Variants in UBE2E2 observed in about 807,000 individuals in gnomAD.
UBE2E2 encodes the protein ubiquitin conjugating enzyme E2 E2.
In UBE2E2, 6 loss-of-function variants were observed where a neutral mutation model predicts 24.7. The observed-to-expected ratio is 0.24, with a 90% CI of 0.13 to 0.48. The LOEUF is 0.48. UBE2E2 is among the 20% of genes least tolerant of loss of function. UBE2E2 has a pLI of 0.99. For missense variants in UBE2E2, 169 were observed against 245.0 expected (o/e 0.69, Z 2.07); for synonymous variants, 104 against 83.6 (o/e 1.24, Z -1.33).
intron 2 of UBE2E2, 123 bp from the exon 3 acceptor site, chr3:23,217,139 C>A: frequency 1.1e-6 from 1 of 879,776 alleles, no homozygotes; most frequent in Non-Finnish European, 1.7e-6. Flanking sequence ...ATTCTTTATA[C>A]AGTATTAGTA....
At chr3:23,228,878 CTT>C (rs1696897304) in intron 3 of UBE2E2, among the ~76,000 whole-genome samples, 1 of 152,200 alleles carries the variant, frequency 6.6e-6, no homozygotes, top group African/African-American at 2.4e-5. Context: ...TCTCCACACA[CTT>C]TCGCCTATTT....
chr3:23,204,450 T>G (rs1696089915), intron 1 of UBE2E2, among the ~76,000 whole-genome samples: 1 of 152,234 alleles, frequency 6.6e-6, no homozygotes, highest in African/African-American at 2.4e-5. Flanking sequence ...GGGTTTACCC[T>G]CAAAGTATCT....
intron 3 of UBE2E2, among the ~76,000 whole-genome samples, chr3:23,298,682 C>T (rs1289346029): frequency 2.3e-4 from 35 of 151,566 alleles, no homozygotes; most frequent in African/African-American, 6.8e-4. Flanking sequence ...CTGCTGGATT[C>T]GGTTTGCCAG....
chr3:23,579,261 T>G lies in UBE2E2; in HGVS notation c.509-10473T>G, dbSNP rs1009809908. Among the ~76,000 whole-genome samples the G allele has an allele frequency of 7.2e-5, 11 of 151,866 alleles. 2 individuals are homozygous for G. Among genetic ancestry groups the G allele is most frequent in the Admixed American group, 1.3e-4 (2 of 15,254 alleles). The stretch of plus-strand genomic sequence containing the variant: ...TTAGCCAGGCATGATGGCAGGTGCC[T>G]GTAGTTCCAGCTGCTCAGGAGGCTG... On this transcript the variant is annotated intron_variant, in intron 5 of 5. Coordinates refer to ENST00000396703, the MANE Select transcript of UBE2E2 (RefSeq NM_152653.4).
chr3:23,384,599 G>T (rs1696758597), intron 3 of UBE2E2, among the ~76,000 whole-genome samples: 1 of 152,158 alleles, frequency 6.6e-6, no homozygotes, highest in Non-Finnish European at 1.5e-5. Context: ...CTGGAGTGCA[G>T]TGGTGCGATC....
Position 23,443,309 on chromosome 3 carries a change from G to A in UBE2E2, c.228-56299G>A, listed in dbSNP as rs190371934. ...AGAAGAGCCGGAAGCAGAGCAGCAT[G>A]TGCTGTTTATTAGGGAACATAATCC... On this transcript the variant is annotated intron_variant, in intron 3 of 5. Coordinates refer to ENST00000396703, the MANE Select transcript of UBE2E2 (RefSeq NM_152653.4). 5.9e-5 allele frequency among the ~76,000 whole-genome samples: 9 copies of A among 152,320 alleles called. No individual in the cohort carries two copies. In the East Asian group the frequency reaches 1.7e-3, roughly 29 times the overall value.
intron 3 of UBE2E2, among the ~76,000 whole-genome samples, chr3:23,412,113 A>G (rs1697508448): frequency 6.6e-6 from 1 of 152,110 alleles, no homozygotes; most frequent in South Asian, 2.1e-4. Context: ...AAAAGTAGAA[A>G]GCTCCCCCCA....
chr3:23,399,330 C>CG (rs1697159391), intron 3 of UBE2E2, among the ~76,000 whole-genome samples: 1 of 152,144 alleles, frequency 6.6e-6, no homozygotes, highest in South Asian at 2.1e-4. Flanking sequence ...GAACACAACA[C>CG]TGAGATATCC....
At chr3:23,351,711 C>T (rs1695756556) in intron 3 of UBE2E2, among the ~76,000 whole-genome samples, 1 of 152,126 alleles carries the variant, frequency 6.6e-6, no homozygotes, top group Non-Finnish European at 1.5e-5. Flanking sequence ...GCACCCAATA[C>T]AGGAGCACCC....
intron 3 of UBE2E2, among the ~76,000 whole-genome samples, chr3:23,472,797 C>G (rs904824883): frequency 3.3e-5 from 5 of 151,642 alleles, no homozygotes; most frequent in Non-Finnish European, 5.9e-5. Flanking sequence ...GGCGCACATG[C>G]TACCAAGCCC....
intron 3 of UBE2E2, among the ~76,000 whole-genome samples, chr3:23,472,920 T>C (rs1034369253): frequency 5.3e-5 from 8 of 152,134 alleles, no homozygotes; most frequent in African/African-American, 1.9e-4. Flanking sequence ...CCCAGACTGC[T>C]GGAATTACAG....
At chr3:23,562,310 G>C (rs892127565) in intron 5 of UBE2E2, among the ~76,000 whole-genome samples, 79 of 152,220 alleles carry the variant, frequency 5.2e-4, no homozygotes, top group African/African-American at 1.7e-3. Flanking sequence ...GGCCTTTTCT[G>C]CATCTATTGA....
intron 5 of UBE2E2, among the ~76,000 whole-genome samples, chr3:23,579,384 C>CAAAA (rs796492703): frequency 1.1e-5 from 1 of 87,000 alleles, no homozygotes; most frequent in Non-Finnish European, 2.5e-5. Context: ...GACTCCATCT[C>CAAAA]AAAAAAAAAA....
At chr3:23,353,629 A>T (rs1412735080) in intron 3 of UBE2E2, among the ~76,000 whole-genome samples, 1 of 152,192 alleles carries the variant, frequency 6.6e-6, no homozygotes, top group Non-Finnish European at 1.5e-5. Flanking sequence ...GTGAACTCCC[A>T]TTCACAGTTG....
intron 3 of UBE2E2, among the ~76,000 whole-genome samples, chr3:23,424,818 G>A (rs1409057939): frequency 4.6e-5 from 7 of 151,976 alleles, no homozygotes; most frequent in South Asian, 2.1e-4. Flanking sequence ...AACTGGTAGC[G>A]TTTATTTTAC....
rs1467449335 is a variant in UBE2E2 at position 23,280,840 on chromosome 3, A to G, written c.227+63528A>G. ...CACATTCAGAATTTTCTTAGAGAAT[A>G]TCTTAGTTTGGGCTGCTGTAACAGA... On this transcript the variant is annotated intron_variant, in intron 3 of 5. Coordinates refer to ENST00000396703, the MANE Select transcript of UBE2E2 (RefSeq NM_152653.4). This position sits in a 1 kb window ranked among gnomAD's most constrained non-coding sequence, Gnocchi z 4.3. Among the ~76,000 whole-genome samples the G allele has an allele frequency of 2.6e-5, 4 of 152,172 alleles. No individual in the cohort carries two copies.
At chr3:23,503,326 A>T (rs1249662088) in intron 4 of UBE2E2, among the ~76,000 whole-genome samples, 1 of 151,762 alleles carries the variant, frequency 6.6e-6, no homozygotes, top group Admixed American at 6.6e-5. Context: ...AGTAGCTGGG[A>T]TTACAGGCAC....
At chr3:23,305,829 A>G (rs1467604711) in intron 3 of UBE2E2, among the ~76,000 whole-genome samples, 1 of 152,200 alleles carries the variant, frequency 6.6e-6, no homozygotes, top group African/African-American at 2.4e-5. Flanking sequence ...TCCTGGGCTC[A>G]AGCTCTCCTC....
chr3:23,587,222 GT>G (rs1460847451), intron 5 of UBE2E2, among the ~76,000 whole-genome samples: 1 of 152,184 alleles, frequency 6.6e-6, no homozygotes, highest in Non-Finnish European at 1.5e-5. Flanking sequence ...ACTCTAACTT[GT>G]TTTTAATTGT....
Sources: allele counts gnomAD v4.1 joint callset (sites outside exome capture counted in the v4.1 genomes callset), GRCh38; gene constraint gnomAD v4.1.1; non-coding constraint Gnocchi (gnomAD v3.1); transcripts MANE v1.5; gene names NCBI Gene and HGNC (gene_info 2026-07-23, HGNC 2026-07-21).